Variants in MRPL35 observed in about 807,000 individuals in gnomAD.
MRPL35 encodes large ribosomal subunit protein bL35m.
In MRPL35, 18 loss-of-function variants were observed where a neutral mutation model predicts 21.6. The observed-to-expected ratio is 0.83, with a 90% CI of 0.58 to 1.24. The LOEUF is 1.24. Ranked by LOEUF, MRPL35 falls within the 50% of genes most tolerant of loss-of-function variation. MRPL35 has a pLI of 0.00. For missense variants in MRPL35, 223 were observed against 223.2 expected, an observed-to-expected ratio of 1.00 and a Z score of 0.01; for synonymous variants, 87 against 86.9, an observed-to-expected ratio of 1.00 and a Z score of -0.01.
chr2:86,200,275 G>T (rs1185177942), intron 1 of MRPL35, among the ~76,000 whole-genome samples: 1 of 151,878 alleles, frequency 6.6e-6, no homozygotes, highest in African/African-American at 2.4e-5. Flanking sequence ...TTAGAGAAAA[G>T]CTTTTTTTAT....
At position 86,213,052 on chromosome 2, in the gene MRPL35, G is replaced by T; in HGVS notation, c.*2384G>T. 1 of 925,854 alleles carries T rather than the reference G, an allele frequency of 1.1e-6. No homozygotes were observed. The highest frequency in any genetic ancestry group is 5.0e-5 in the South Asian group (1 of 20,076). The allele number at this position is 925,854 out of a possible 1,614,324, so 57.4% of individuals were successfully genotyped here. ...CTAATTTAGATTTGAGGAAACTGAA[G>T]CTGAGAGAGGGTTAAGTAAATTACC... On this transcript the variant is annotated 3_prime_UTR_variant, in exon 4 of 4. Transcript: ENST00000337109.
chr2:86,213,300 A>T lies in MRPL35; in HGVS notation c.*2632A>T, dbSNP rs943205143. On this transcript the variant is annotated 3_prime_UTR_variant, in exon 4 of 4. Transcript: ENST00000337109. ...CCTTTGCCAACTCTTAACCTAGTTAATCCTAGTTCTGTTGACATTGGACCA... is the reference window on the plus strand; with the variant it reads ...CCTTTGCCAACTCTTAACCTAGTTATTCCTAGTTCTGTTGACATTGGACCA... 3.5e-6 allele frequency: 4 copies of T among 1,148,444 alleles called. No individual in the cohort carries two copies. The African/African-American group carries it at 6.4e-5, about 18-fold the overall frequency. The allele number at this position is 1,148,444 out of a possible 1,614,324, so 71.1% of individuals were successfully genotyped here.
chr2:86,207,219 A>G lies in MRPL35; in HGVS notation c.270A>G (p.Pro90=), dbSNP rs758053624. 5 of 1,613,844 alleles carry G rather than the reference A, an allele frequency of 3.1e-6. No individual in the cohort carries two copies. In the Admixed American group the frequency reaches 8.3e-5, roughly 27 times the overall value. Reference sequence around the variant, plus strand: ...TGCTTCCAAGTGTCCTGAAGCTGCCAGTCAGATCTCTAACATACTTCAGTG... The same window carrying G: ...TGCTTCCAAGTGTCCTGAAGCTGCCGGTCAGATCTCTAACATACTTCAGTG... ...APVLPSVLKL[P]VRSLTYFSAR... is the part of the protein sequence containing the mutation. The change falls in exon 3 of 4, where the codon CCA becomes CCG. Residue 90 remains proline (P), a synonymous_variant. Coordinates refer to ENST00000337109, the MANE Select transcript of MRPL35 (RefSeq NM_016622.4).
chr2:86,206,445 G>A, intron 2 of MRPL35, 150 bp downstream of exon 2: 1 of 726,104 alleles, frequency 1.4e-6, no homozygotes, highest in Non-Finnish European at 2.2e-6. Flanking sequence ...CAATTCTCCT[G>A]CCTCAGCCTC....
rs112377305 is a variant in MRPL35 at position 86,207,528 on chromosome 2, G to A, written c.378+201G>A. On this transcript the variant is annotated intron_variant, in intron 3 of 3. Coordinates refer to ENST00000337109, the MANE Select transcript of MRPL35 (RefSeq NM_016622.4). ...CAGGCACCTGTAATTCCAGCTACTC[G>A]GGAGGCTGAGGCACATAATTGCTTG... is the stretch of plus-strand genomic sequence containing the variant. Among the ~76,000 whole-genome samples the A allele has an allele frequency of 9.8e-4, 150 of 152,298 alleles. 1 individual carries two copies. Among genetic ancestry groups the A allele is most frequent in the African/African-American group, 3.2e-3 (131 of 41,558 alleles).
At position 86,211,938 on chromosome 2, in the gene MRPL35, A is replaced by G; in HGVS notation, c.*1270A>G. 1.0e-6 allele frequency: 1 copy of G among 985,988 alleles called. No homozygotes were observed. The highest frequency in any genetic ancestry group is 1.2e-6 in the Non-Finnish European group (1 of 830,308). 61.1% of individuals were successfully genotyped at this position (985,988 alleles called of 1,614,324 possible). On this transcript the variant is annotated 3_prime_UTR_variant, in exon 4 of 4. Transcript: ENST00000337109. The stretch of plus-strand genomic sequence containing the variant: ...AGTAATCTCAGTTGTTTTAGAAACG[A>G]AAAAGTTAAGCATTGTTTACTTGAA...
Position 86,213,168 on chromosome 2 carries a change from T to C in MRPL35, c.*2500T>C, listed in dbSNP as rs1207903548. On this transcript the variant is annotated 3_prime_UTR_variant, in exon 4 of 4. Coordinates refer to ENST00000337109, the MANE Select transcript of MRPL35 (RefSeq NM_016622.4). ...GTCTTCTAACATATGAAAATTCATA[T>C]CTAAATCAACAAGTGACTGTAATCT... is the stretch of plus-strand genomic sequence containing the variant. 1.0e-5 allele frequency: 10 copies of C among 987,316 alleles called. No homozygotes were observed. Among genetic ancestry groups the C allele is most frequent in the African/African-American group, 7.0e-5 (4 of 57,334 alleles). 61.2% of individuals were successfully genotyped at this position (987,316 alleles called of 1,614,324 possible).
rs1673896110 is a variant in MRPL35, at chr2:86,211,175, A to G, written c.*507A>G. 6.1e-6 allele frequency: 6 copies of G among 983,900 alleles called. No homozygotes were observed. Among genetic ancestry groups the G allele is most frequent in the African/African-American group, 1.7e-5 (1 of 57,190 alleles). The allele number at this position is 983,900 out of a possible 1,614,324, so 60.9% of individuals were successfully genotyped here. On this transcript the variant is annotated 3_prime_UTR_variant, in exon 4 of 4. Transcript: ENST00000337109. The stretch of plus-strand genomic sequence containing the variant: ...ATGCATGTGACTTGCTTCTTTTTGC[A>G]TTGTTAACTCCATTCTCTCTATTCA...
chr2:86,202,715 GAGAC>G (rs970708452), intron 1 of MRPL35, among the ~76,000 whole-genome samples: 40 of 152,102 alleles, frequency 2.6e-4, no homozygotes, highest in African/African-American at 9.4e-4. Flanking sequence ...TTCTTTTGTG[GAGAC>G]AGAGTCTCCT....
Position 86,204,685 on chromosome 2 carries a change from AC to A in MRPL35, c.44-1419del, listed in dbSNP as rs577426658. Among the ~76,000 whole-genome samples the A allele has an allele frequency of 1.1e-3, 160 of 152,048 alleles. 1 individual carries two copies. The highest frequency in any genetic ancestry group is 3.4e-3 in the African/African-American group (142 of 41,466). ...TAGGCTCTCTGAAATCTGCCTTCTG[AC>A]CTGTTCCACCCCACTGCCCACTACT... On this transcript the variant is annotated intron_variant, in intron 1 of 3. Transcript: ENST00000337109.
chr2:86,203,883 C>A (rs1180437448), intron 1 of MRPL35, among the ~76,000 whole-genome samples: 2 of 152,124 alleles, frequency 1.3e-5, no homozygotes, highest in Admixed American at 1.3e-4. Context: ...CCTAGCACTT[C>A]TATATCAACA....
rs1013551870 is a variant in MRPL35 at position 86,206,196 on chromosome 2, G to A, written c.134G>A (p.Arg45His). The change falls in exon 2 of 4, where the codon CGT becomes CAT. Residue 45 changes from arginine (R) to histidine (H), a missense_variant. Arg to His is a conservative substitution (Grantham distance 29, BLOSUM62 0). Coordinates refer to ENST00000337109, the MANE Select transcript of MRPL35 (RefSeq NM_016622.4). ...CTTATTTCTGCATTGTCCACTGGAC[G>A]TTTTAGTCATATTCAGACACCAGTT... is the stretch of plus-strand genomic sequence containing the variant. ...ASLISALSTGRFSHIQTPVVS... is the reference protein window; with the variant it reads ...ASLISALSTGHFSHIQTPVVS... 12 of 1,613,636 alleles carry A rather than the reference G, an allele frequency of 7.4e-6. No individual in the cohort carries two copies. In the African/African-American group the frequency reaches 8.0e-5, roughly 11 times the overall value.
rs1276579273 is a variant in MRPL35, at chr2:86,199,520, G to A, written c.30G>A (p.Val10=). The A allele has an allele frequency of 1.9e-6, 3 of 1,614,088 alleles. No individual in the cohort carries two copies. Among genetic ancestry groups the A allele is most frequent in the Admixed American group, 1.7e-5 (1 of 60,014 alleles). Residue 10 remains valine, a synonymous_variant, in exon 1 of 4, where the codon GTG becomes GTA. Transcript: ENST00000337109. The stretch of plus-strand genomic sequence containing the variant: ...CTGCCTCTGCCTTTGCTGGTGCAGT[G>A]AGAGCAGCTTCAGGTCAGTGGAGAG... MAASAFAGA[V]RAASGILRPL...
rs921280207 is a variant in MRPL35, at chr2:86,212,124, G to A, written c.*1456G>A. ...GAATTATGCATGAATTACTGTTTCA[G>A]ATCCTTTAATGTGGTAGTTGGTAAT... On this transcript the variant is annotated 3_prime_UTR_variant, in exon 4 of 4. Coordinates refer to ENST00000337109, the MANE Select transcript of MRPL35 (RefSeq NM_016622.4). The A allele has an allele frequency of 1.6e-5, 19 of 1,219,456 alleles. No homozygotes were observed. The highest frequency in any genetic ancestry group is 1.9e-5 in the Non-Finnish European group (19 of 975,662). 75.5% of individuals were successfully genotyped at this position (1,219,456 alleles called of 1,614,324 possible). A position where few individuals can be genotyped will look rare whatever the true frequency, so the allele number is the denominator to read the frequency against.
intron 1 of MRPL35, among the ~76,000 whole-genome samples, chr2:86,205,423 T>G (rs1673769674): frequency 6.8e-6 from 1 of 147,886 alleles, no homozygotes; most frequent in African/African-American, 2.5e-5. Context: ...TTGCTCTCTC[T>G]GCGATTGCAG....
At position 86,210,591 on chromosome 2, in the gene MRPL35, T is replaced by C. The variant is rs763370020; in HGVS notation, c.490T>C (p.Ser164Pro). ...QSKLLDKMTTSFWKRRNWYVD... is the reference protein window; with the variant it reads ...QSKLLDKMTTPFWKRRNWYVD... Reference sequence around the variant, plus strand: ...TAAACTCTTAGATAAAATGACGACGTCCTTCTGGAAGAGGCGAAACTGGTA... The same window carrying C: ...TAAACTCTTAGATAAAATGACGACGCCCTTCTGGAAGAGGCGAAACTGGTA... Residue 164 changes from serine (S) to proline (P), a missense_variant, in exon 4 of 4, where the codon TCC becomes CCC. Physicochemically the swap from Ser to Pro is moderately conservative, Grantham distance 74. Coordinates refer to ENST00000337109, the MANE Select transcript of MRPL35 (RefSeq NM_016622.4). 2.5e-6 allele frequency: 4 copies of C among 1,614,000 alleles called. No individual in the cohort carries two copies. In the South Asian group the frequency reaches 4.4e-5, roughly 18 times the overall value.
Position 86,206,229 on chromosome 2 carries a change from C to G in MRPL35, c.167C>G (p.Ser56Cys), listed in dbSNP as rs868157269. ...CATATTCAGACACCAGTTGTTTCCT[C>G]CACTCCCAGACTTACCACATCTGAG... ...FSHIQTPVVS[S>C]TPRLTTSERN... Residue 56 changes from serine to cysteine, a missense_variant, in exon 2 of 4, where the codon TCC (serine) becomes TGC (cysteine). Physicochemically the swap from Ser to Cys is moderately radical, Grantham distance 112. Transcript: ENST00000337109. The G allele has an allele frequency of 1.2e-6, 2 of 1,613,746 alleles. No individual in the cohort carries two copies. The highest frequency in any genetic ancestry group is 1.1e-5 in the South Asian group (1 of 91,078).
At chr2:86,205,709 C>G (rs1037073463) in intron 1 of MRPL35, among the ~76,000 whole-genome samples, 1 of 152,182 alleles carries the variant, frequency 6.6e-6, no homozygotes, top group South Asian at 2.1e-4. Context: ...CCACTCTTGT[C>G]TCTCCAGGAA....
At position 86,206,941 on chromosome 2, in the gene MRPL35, C is replaced by T. The variant is rs565869635; in HGVS notation, c.234-242C>T. Among the ~76,000 whole-genome samples, 17 of 152,148 alleles carry T rather than the reference C, an allele frequency of 1.1e-4. No individual in the cohort carries two copies. In the South Asian group the frequency reaches 2.3e-3, roughly 20 times the overall value. The stretch of plus-strand genomic sequence containing the variant: ...GTGGGAAGATGGATAAGAAATAAAG[C>T]GATGATAATAGAATGAATTATTTTA... On this transcript the variant is annotated intron_variant, in intron 2 of 3. Coordinates refer to ENST00000337109, the MANE Select transcript of MRPL35 (RefSeq NM_016622.4).
Sources: allele counts gnomAD v4.1 joint callset (sites outside exome capture counted in the v4.1 genomes callset), GRCh38; gene constraint gnomAD v4.1.1; transcripts MANE v1.5; gene names NCBI Gene and HGNC (gene_info 2026-07-23, HGNC 2026-07-21).